Variants in MOB3B observed in about 807,000 individuals in gnomAD.
The protein encoded by MOB3B is MOB kinase activator 3B, also known as MOB kinase activator-like 2B.
Under a neutral mutation model 18.7 loss-of-function variants are expected in MOB3B, and 7 were observed. The observed-to-expected ratio is 0.37, with a 90% CI of 0.21 to 0.70. MOB3B has a LOEUF of 0.70. Among genes scored for constraint, MOB3B ranks in the 30% least tolerant of loss-of-function variants. MOB3B has a pLI of 0.52. For synonymous variants in MOB3B, 111 were observed against 99.9 expected (o/e 1.11, Z -0.66); for missense variants, 253 against 281.3 (o/e 0.90, Z 0.72).
At chr9:27,470,743 C>G (rs1288836701) in intron 1 of MOB3B, among the ~76,000 whole-genome samples, 3 of 152,140 alleles carry the variant, frequency 2.0e-5, no homozygotes, top group African/African-American at 7.2e-5. Flanking sequence ...CTACCCCTTC[C>G]CCTTCTCTCC....
At chr9:27,481,459 G>A (rs538522946) in intron 1 of MOB3B, among the ~76,000 whole-genome samples, 49 of 151,846 alleles carry the variant, frequency 3.2e-4, no homozygotes, top group Non-Finnish European at 5.4e-4. Context: ...GTGGCGCCTG[G>A]GGTAAACTGG....
At chr9:27,378,660 C>G (rs776071961) in intron 2 of MOB3B, 4 of 471,164 alleles carry the variant, frequency 8.5e-6, no homozygotes, top group Non-Finnish European at 1.3e-5. Context: ...GCCCTGATGA[C>G]TCCCTGACCC....
At chr9:27,405,612 T>C (rs555092893) in intron 2 of MOB3B, among the ~76,000 whole-genome samples, 1 of 152,238 alleles carries the variant, frequency 6.6e-6, no homozygotes, top group African/African-American at 2.4e-5. Context: ...CATTTTTGCT[T>C]TAGTTGCCTG....
intron 1 of MOB3B, among the ~76,000 whole-genome samples, chr9:27,489,741 CTT>C (rs66757462): frequency 1.4e-5 from 1 of 73,116 alleles, no homozygotes; most frequent in Non-Finnish European, 2.6e-5. Context: ...AGGAAATAAT[CTT>C]TTTTTTTTTT....
At chr9:27,383,262 T>C (rs1193007258) in intron 2 of MOB3B, among the ~76,000 whole-genome samples, 5 of 152,180 alleles carry the variant, frequency 3.3e-5, no homozygotes, top group African/African-American at 1.2e-4. Flanking sequence ...TTCATATATA[T>C]GGGAGCCCTT....
chr9:27,481,587 G>A (rs137983958), intron 1 of MOB3B, among the ~76,000 whole-genome samples: 12 of 149,906 alleles, frequency 8.0e-5, no homozygotes, highest in Non-Finnish European at 1.6e-4. Context: ...GTACAGTGGC[G>A]TGATCTCGGC....
chr9:27,364,696 G>A (rs958735252), intron 2 of MOB3B, among the ~76,000 whole-genome samples: 3 of 152,172 alleles, frequency 2.0e-5, no homozygotes, highest in African/African-American at 7.2e-5. Context: ...ATATATTAAT[G>A]TTATTTGTAG....
At chr9:27,342,158 T>C (rs910449274) in intron 3 of MOB3B, among the ~76,000 whole-genome samples, 2 of 151,996 alleles carry the variant, frequency 1.3e-5, no homozygotes, top group East Asian at 1.9e-4. Context: ...AGCATGGGGG[T>C]CTTTTCAGAA....
At chr9:27,511,402 C>T (rs1028700605) in intron 1 of MOB3B, among the ~76,000 whole-genome samples, 5 of 152,082 alleles carry the variant, frequency 3.3e-5, no homozygotes, top group Admixed American at 6.5e-5. Flanking sequence ...TGCAGCATTC[C>T]GTCAGTGATA....
chr9:27,404,593 G>T (rs1235349469), intron 2 of MOB3B, among the ~76,000 whole-genome samples: 1 of 151,580 alleles, frequency 6.6e-6, no homozygotes, highest in South Asian at 2.1e-4. Context: ...CCTGACCTCA[G>T]GTGATCCACC....
intron 1 of MOB3B, among the ~76,000 whole-genome samples, chr9:27,494,302 A>G (rs1327726077): frequency 6.6e-6 from 1 of 151,930 alleles, no homozygotes; most frequent in East Asian, 1.9e-4. Flanking sequence ...GTGATATTCT[A>G]TTGCCTTGTA....
rs1199981522 is a variant in MOB3B, at chr9:27,327,794, T to C, written c.*2793A>G. On this transcript the variant is annotated 3_prime_UTR_variant, in exon 4 of 4. Coordinates refer to ENST00000262244, the MANE Select transcript of MOB3B (RefSeq NM_024761.5). ...ATTTATGCAGTATCAGTGTTCAGTT[T>C]CATGGGCGTGAAAATATTGCAGATT... 6.6e-6 allele frequency: 1 copy of C among 152,332 alleles called. No homozygotes were observed. Among genetic ancestry groups the C allele is most frequent in the East Asian group, 1.9e-4 (1 of 5,194 alleles). The allele number at this position is 152,332 out of a possible 1,614,324, so 9.4% of individuals were successfully genotyped here. A position where few individuals can be genotyped will look rare whatever the true frequency, so the allele number is the denominator to read the frequency against.
At chr9:27,398,598 G>A (rs1298688707) in intron 2 of MOB3B, among the ~76,000 whole-genome samples, 1 of 152,160 alleles carries the variant, frequency 6.6e-6, no homozygotes, top group East Asian at 1.9e-4. Context: ...TAATTTGGAA[G>A]TCATGATTGA....
At chr9:27,436,423 T>C (rs745463448) in intron 2 of MOB3B, among the ~76,000 whole-genome samples, 5 of 152,210 alleles carry the variant, frequency 3.3e-5, no homozygotes, top group Non-Finnish European at 5.9e-5. Context: ...GCTTTTAAGT[T>C]CATGAGGACA....
At chr9:27,511,022 T>C (rs1020958479) in intron 1 of MOB3B, among the ~76,000 whole-genome samples, 3 of 152,084 alleles carry the variant, frequency 2.0e-5, no homozygotes, top group African/African-American at 7.2e-5. Flanking sequence ...CAGGGACTCA[T>C]AAACAGTTTC....
At chr9:27,367,796 A>C (rs1821360378) in intron 2 of MOB3B, among the ~76,000 whole-genome samples, 1 of 152,210 alleles carries the variant, frequency 6.6e-6, no homozygotes, top group Admixed American at 6.5e-5. Flanking sequence ...TGGAAAGTAT[A>C]CTTGGAAGAC....
intron 1 of MOB3B, among the ~76,000 whole-genome samples, chr9:27,512,578 T>C (rs1398487834): frequency 1.3e-5 from 2 of 152,200 alleles, no homozygotes; most frequent in African/African-American, 2.4e-5. Flanking sequence ...CAAGAAAGGC[T>C]AGCATTGCTT....
chr9:27,409,914 G>A (rs1359737601), intron 2 of MOB3B, among the ~76,000 whole-genome samples: 1 of 151,994 alleles, frequency 6.6e-6, no homozygotes, highest in Non-Finnish European at 1.5e-5. Context: ...GGTTATCAGG[G>A]GCTGAGAGGG....
intron 2 of MOB3B, among the ~76,000 whole-genome samples, chr9:27,363,483 T>C (rs1349202098): frequency 6.6e-6 from 1 of 151,818 alleles, no homozygotes; most frequent in Non-Finnish European, 1.5e-5. Flanking sequence ...TTAGCCAGGA[T>C]GGTCTCGATC....
Sources: allele counts gnomAD v4.1 joint callset (sites outside exome capture counted in the v4.1 genomes callset), GRCh38; gene constraint gnomAD v4.1.1; transcripts MANE v1.5; gene names NCBI Gene and HGNC (gene_info 2026-07-23, HGNC 2026-07-21).